The following PHF20L1 variants were observed in gnomAD, a reference collection of about 807,000 sequenced individuals.
The protein encoded by PHF20L1 is PHD finger protein 20 like 1.
Under a neutral mutation model 125.5 loss-of-function variants are expected in PHF20L1, and 44 were observed. The ratio of observed to expected loss-of-function variants is 0.35; its 90% CI spans 0.28 to 0.45. The LOEUF (loss-of-function observed/expected upper bound fraction) is 0.45, where lower values mean the gene tolerates loss of function less well. Ranked by LOEUF, PHF20L1 falls within the 20% of genes least tolerant of loss-of-function variation. The pLI is 1.00. For synonymous variants in PHF20L1, 380 were observed against 403.1 expected, an observed-to-expected ratio of 0.94 and a Z score of 0.69; for missense variants, 1,012 against 1,217.2, an observed-to-expected ratio of 0.83 and a Z score of 2.51.
At chr8:132,801,686 C>A (rs1256180359) in intron 6 of PHF20L1, among the ~76,000 whole-genome samples, 1 of 151,500 alleles carries the variant, frequency 6.6e-6, no homozygotes, top group East Asian at 1.9e-4. Context: ...TTGATCACTA[C>A]TAATTATATA....
intron 6 of PHF20L1, among the ~76,000 whole-genome samples, chr8:132,801,518 T>C (rs1833042960): frequency 6.6e-6 from 1 of 151,774 alleles, no homozygotes; most frequent in South Asian, 2.1e-4. Flanking sequence ...AAAACATCAT[T>C]ATTAGTTATA....
chr8:132,812,715 G>A (rs1834536611), intron 9 of PHF20L1: 1 of 984,404 alleles, frequency 1.0e-6, no homozygotes, highest in African/African-American at 1.7e-5. Flanking sequence ...TAGTTAAAAA[G>A]CCGAGTTATA....
intron 14 of PHF20L1, among the ~76,000 whole-genome samples, chr8:132,825,626 A>T (rs1563835510): frequency 6.6e-6 from 1 of 152,016 alleles, no homozygotes; most frequent in Admixed American, 6.6e-5. Context: ...ATTATGGTAG[A>T]CTCGATGCCC....
chr8:132,802,389 G>C (rs970685144), intron 6 of PHF20L1, among the ~76,000 whole-genome samples: 3 of 151,458 alleles, frequency 2.0e-5, no homozygotes, highest in African/African-American at 7.3e-5. Context: ...TTAGGGTTCA[G>C]CTCATCTATC....
chr8:132,843,304 C>T, intron 19 of PHF20L1: 2 of 984,400 alleles, frequency 2.0e-6, no homozygotes, highest in Non-Finnish European at 2.4e-6. Flanking sequence ...GTCAATGCAT[C>T]CCACTATTCA....
At chr8:132,820,069 C>G (rs897465191) in intron 12 of PHF20L1, among the ~76,000 whole-genome samples, 1 of 151,744 alleles carries the variant, frequency 6.6e-6, no homozygotes, top group Non-Finnish European at 1.5e-5. Context: ...GCAATAATCT[C>G]TCGTATGTTC....
intron 19 of PHF20L1, 155 bp from the exon 20 acceptor site, chr8:132,844,001 T>G: frequency 3.0e-6 from 3 of 985,216 alleles, no homozygotes; most frequent in Non-Finnish European, 3.6e-6. Context: ...CAGCTGGAAT[T>G]TGGTTATGTA....
intron 18 of PHF20L1, among the ~76,000 whole-genome samples, chr8:132,840,347 C>T (rs1045304245): frequency 6.6e-6 from 1 of 152,066 alleles, no homozygotes; most frequent in East Asian, 1.9e-4. Context: ...TCCTCTCTCA[C>T]TTCTCACTGG....
Position 132,817,380 on chromosome 8 carries a change from T to C in PHF20L1, c.1414T>C (p.Cys472Arg). The change falls in exon 12 of 21, where the codon TGT (cysteine) becomes CGT (arginine). Residue 472 changes from cysteine (C) to arginine (R), a missense_variant. By Grantham distance (180) the Cys-to-Arg change is radical. This residue lies in a region of PHF20L1 where 320 missense variants were observed against 293.8 expected (regional missense o/e 1.09). Coordinates refer to ENST00000395386, the MANE Select transcript of PHF20L1 (RefSeq NM_016018.5). Reference protein sequence around the residue: ...AHLPLEKLGPCLPLDLSRGSE... With the variant: ...AHLPLEKLGPRLPLDLSRGSE... Reference sequence around the variant, plus strand: ...TTTGCCACTTGAGAAGCTGGGACCCTGTCTCCCTCTTGACTTAAGTCGTGG... The same window carrying C: ...TTTGCCACTTGAGAAGCTGGGACCCCGTCTCCCTCTTGACTTAAGTCGTGG... The C allele has an allele frequency of 1.9e-6, 3 of 1,612,680 alleles. No individual in the cohort carries two copies. The highest frequency in any genetic ancestry group is 2.5e-6 in the Non-Finnish European group (3 of 1,179,110).
chr8:132,839,625 G>A (rs752001331), intron 18 of PHF20L1, 43 bp downstream of exon 18: 277 of 1,419,220 alleles, frequency 2.0e-4, no homozygotes, highest in Non-Finnish European at 2.5e-4. Flanking sequence ...TTCAGTGGAC[G>A]TTTTAATTCA....
chr8:132,811,673 G>A (rs1284212040), intron 9 of PHF20L1: 2 of 985,208 alleles, frequency 2.0e-6, no homozygotes, highest in Non-Finnish European at 2.4e-6. Flanking sequence ...GAATTTAAAA[G>A]TGAAGGTTGC....
intron 9 of PHF20L1, chr8:132,812,735 A>G (rs1834540330): frequency 3.0e-6 from 3 of 984,178 alleles, no homozygotes; most frequent in Non-Finnish European, 3.6e-6. Context: ...AAAGCTCTTA[A>G]TTACATCTCA....
rs1563853267 is a variant in PHF20L1 at position 132,839,372 on chromosome 8, CA to C, written c.2192-13del. The stretch of plus-strand genomic sequence containing the variant: ...AGTGCAGTCCTCTGTGATTTAATAT[CA>C]ACTTCATCTGCAGGTCAGAGGTGGA... On this transcript the variant is annotated splice_polypyrimidine_tract_variant and intron_variant, in intron 17 of 20. Coordinates refer to ENST00000395386, the MANE Select transcript of PHF20L1 (RefSeq NM_016018.5). 6.3e-7 allele frequency: 1 copy of C among 1,596,956 alleles called. No individual in the cohort carries two copies. Among genetic ancestry groups the C allele is most frequent in the African/African-American group, 1.3e-5 (1 of 74,488 alleles).
At chr8:132,812,694 G>C in intron 9 of PHF20L1, 1 of 984,802 alleles carries the variant, frequency 1.0e-6, no homozygotes. Context: ...CTATGTGTTA[G>C]CCTCGCTTCA....
chr8:132,843,605 TTGTGTGTGTG>T (rs71299034), intron 19 of PHF20L1: 51 of 948,842 alleles, frequency 5.4e-5, no homozygotes, highest in East Asian at 4.8e-4. Flanking sequence ...CAAACGCACA[TTGTGTGTGTG>T]TGTGTGTGTG....
intron 2 of PHF20L1, among the ~76,000 whole-genome samples, chr8:132,793,036 T>C (rs1831948444): frequency 6.6e-6 from 1 of 150,842 alleles, no homozygotes; most frequent in Non-Finnish European, 1.5e-5. Context: ...AGCACCCAGT[T>C]TGAGTGAGAA....
chr8:132,836,568 T>G lies in PHF20L1; in HGVS notation c.1938T>G (p.Asp646Glu). ...ENLSDVDFLDDSSTESLLLSG... is the reference protein window; with the variant it reads ...ENLSDVDFLDESSTESLLLSG... ...TATCAGATGTAGACTTCCTAGATGA[T>G]TCTTCAACGGAGAGTTTGCTTCTGA... The change falls in exon 16 of 21, where the codon GAT becomes GAG. Residue 646 changes from aspartate to glutamate, a missense_variant. By Grantham distance (45) the Asp-to-Glu change is conservative (BLOSUM62 2). Coordinates refer to ENST00000395386, the MANE Select transcript of PHF20L1 (RefSeq NM_016018.5). 1 of 1,611,330 alleles carries G rather than the reference T, an allele frequency of 6.2e-7. No individual in the cohort carries two copies. Among genetic ancestry groups the G allele is most frequent in the South Asian group, 1.1e-5 (1 of 91,018 alleles).
chr8:132,792,939 G>C (rs1001860863), intron 2 of PHF20L1, among the ~76,000 whole-genome samples: 1 of 146,858 alleles, frequency 6.8e-6, no homozygotes, highest in African/African-American at 2.5e-5. Flanking sequence ...TAATTCCCTA[G>C]CTTATTTGAG....
intron 14 of PHF20L1, among the ~76,000 whole-genome samples, chr8:132,830,227 T>C (rs1293792461): frequency 1.3e-5 from 2 of 151,924 alleles, no homozygotes; most frequent in Non-Finnish European, 2.9e-5. Flanking sequence ...GGTCCAGTCT[T>C]TCTCATCTTG....
Sources: gnomAD v4.1 joint callset for allele counts (sites outside exome capture counted in the v4.1 genomes callset) on GRCh38, gnomAD v4.1.1 for gene constraint, gnomAD v4.1.1 regional missense constraint, MANE v1.5 for transcripts, NCBI Gene and HGNC (gene_info 2026-07-23, HGNC 2026-07-21) for gene names.